The following PTCHD4 variants were observed in gnomAD, a reference collection of about 807,000 sequenced individuals.
PTCHD4 encodes patched domain containing 4.
In PTCHD4, 33 loss-of-function variants were observed where a neutral mutation model predicts 58.1. The observed-to-expected ratio is 0.57, with a 90% CI of 0.43 to 0.76. The LOEUF (loss-of-function observed/expected upper bound fraction) is 0.76, where lower values mean the gene tolerates loss of function less well. PTCHD4 is among the 30% of genes least tolerant of loss of function. The pLI is 0.00. For missense variants in PTCHD4, 1,058 were observed against 1,027.1 expected (o/e 1.03, Z -0.41); for synonymous variants, 478 against 409.6 (o/e 1.17, Z -2.02).
At chr6:47,953,185 C>T (rs1213624190) in intron 4 of PTCHD4, among the ~76,000 whole-genome samples, 1 of 151,956 alleles carries the variant, frequency 6.6e-6, no homozygotes, top group African/African-American at 2.4e-5. Context: ...GAGTTTATGA[C>T]AATTTTGACA....
At position 48,001,885 on chromosome 6, in the gene PTCHD4, T is replaced by G. The variant is rs148874837; in HGVS notation, c.898+6749A>C. Among the ~76,000 whole-genome samples the G allele has an allele frequency of 1.7e-3, 259 of 152,296 alleles. 3 individuals carry two copies. The highest frequency in any genetic ancestry group is 5.8e-3 in the African/African-American group (243 of 41,554). ...TCTGCCAAAGGGCTAATATCCAGAA[T>G]CTACAATGAACTCAAACAAATTTAC... On this transcript the variant is annotated intron_variant, in intron 4 of 4. Coordinates refer to ENST00000339488, the MANE Select transcript of PTCHD4 (RefSeq NM_001384253.1).
intron 4 of PTCHD4, among the ~76,000 whole-genome samples, chr6:47,881,212 G>T (rs1561937469): frequency 6.6e-6 from 1 of 152,188 alleles, no homozygotes. Context: ...AATTTACTTA[G>T]TAGTGCTTTA....
intron 1 of PTCHD4, among the ~76,000 whole-genome samples, chr6:48,098,525 G>A (rs893551223): frequency 1.3e-5 from 2 of 151,970 alleles, no homozygotes; most frequent in Non-Finnish European, 2.9e-5. Flanking sequence ...TTTTAGTAGA[G>A]GCAGGGTTTC....
intron 4 of PTCHD4, among the ~76,000 whole-genome samples, chr6:47,891,392 T>C (rs1764377693): frequency 6.6e-6 from 1 of 151,792 alleles, no homozygotes. Context: ...ACAAGGCCAT[T>C]CTGTGACCGG....
intron 3 of PTCHD4, among the ~76,000 whole-genome samples, chr6:48,029,893 C>T (rs1443826335): frequency 6.6e-6 from 1 of 151,996 alleles, no homozygotes; most frequent in Non-Finnish European, 1.5e-5. Context: ...CCTTGAAAAG[C>T]CAAGGTAGTT....
At chr6:48,021,998 T>C (rs1186700388) in intron 3 of PTCHD4, among the ~76,000 whole-genome samples, 1 of 152,140 alleles carries the variant, frequency 6.6e-6, no homozygotes, top group African/African-American at 2.4e-5. Context: ...GAATGTGAAA[T>C]CAATAACGTA....
At chr6:47,973,263 A>G (rs937852337) in intron 4 of PTCHD4, among the ~76,000 whole-genome samples, 2 of 152,242 alleles carry the variant, frequency 1.3e-5, no homozygotes, top group African/African-American at 4.8e-5. Flanking sequence ...TTTAAGAAGA[A>G]TTATTGTGAA....
In PTCHD4 at chr6:47,857,922, C is replaced by T. The variant is rs1202358461; in HGVS notation, c.*20381G>A. 6.6e-6 allele frequency among the ~76,000 whole-genome samples: 1 copy of T among 151,914 alleles called. No individual in the cohort carries two copies. Among genetic ancestry groups the T allele is most frequent in the Non-Finnish European group, 1.5e-5 (1 of 67,966 alleles). ...CTATAAATAGTTCTATATCAAGGTA[C>T]ACATATGTACCTTGAAGACTAACAA... On this transcript the variant is annotated 3_prime_UTR_variant, in exon 5 of 5. Transcript: ENST00000339488.
chr6:48,079,109 T>A (rs577125267), intron 1 of PTCHD4, among the ~76,000 whole-genome samples: 37 of 136,086 alleles, frequency 2.7e-4, no homozygotes, highest in African/African-American at 1.0e-3. Context: ...CAGAGCGAAA[T>A]TCCATCACAA....
In PTCHD4 at chr6:47,866,699, T is replaced by C. The variant is rs147722530; in HGVS notation, c.*11604A>G. Among the ~76,000 whole-genome samples the C allele has an allele frequency of 0.018, 2,689 of 151,902 alleles. 257 individuals carry two copies. The highest frequency in any genetic ancestry group is 0.16 in the Admixed American group (2,442 of 15,194). Reference sequence around the variant, plus strand: ...AAACATCTTGTAATATGATTGCTGGTTTTGGGGAGCACCACTATTATAATT... The same window carrying C: ...AAACATCTTGTAATATGATTGCTGGCTTTGGGGAGCACCACTATTATAATT... On this transcript the variant is annotated 3_prime_UTR_variant, in exon 5 of 5. Transcript: ENST00000339488.
intron 4 of PTCHD4, among the ~76,000 whole-genome samples, chr6:47,925,203 G>T (rs1006288564): frequency 1.3e-5 from 2 of 150,978 alleles, no homozygotes; most frequent in Admixed American, 1.3e-4. Flanking sequence ...GTGTGTGTGT[G>T]TATGTATATG....
At chr6:48,018,858 G>A (rs896592388) in intron 3 of PTCHD4, among the ~76,000 whole-genome samples, 8 of 152,184 alleles carry the variant, frequency 5.3e-5, no homozygotes, top group African/African-American at 1.7e-4. Context: ...TAACGCAGGA[G>A]CATTTGAGGA....
At chr6:48,053,780 T>G (rs1303085894) in intron 3 of PTCHD4, among the ~76,000 whole-genome samples, 1 of 152,136 alleles carries the variant, frequency 6.6e-6, no homozygotes, top group Admixed American at 6.6e-5. Context: ...ATTTATAGAT[T>G]AGGGAAGTAC....
rs528909130 is a variant in PTCHD4 at position 48,031,633 on chromosome 6, C to T, written c.418-22519G>A. On this transcript the variant is annotated intron_variant, in intron 3 of 4. Coordinates refer to ENST00000339488, the MANE Select transcript of PTCHD4 (RefSeq NM_001384253.1). ...GGAATCCATGGGAATAGGGAAAACA[C>T]ATTCGGGAAAATTCAGGGAGGCAAA... 3.3e-5 allele frequency among the ~76,000 whole-genome samples: 5 copies of T among 152,156 alleles called. No individual in the cohort carries two copies. In the East Asian group the frequency reaches 7.8e-4, roughly 24 times the overall value.
rs187973640 is a variant in PTCHD4 at position 47,994,996 on chromosome 6, C to T, written c.898+13638G>A. 4.7e-3 allele frequency among the ~76,000 whole-genome samples: 717 copies of T among 152,150 alleles called. 6 individuals are homozygous for T. Among genetic ancestry groups the T allele is most frequent in the African/African-American group, 0.016 (679 of 41,504 alleles). ...ACAGGAGGGAACAGTAGGGAAGAAC[C>T]TCAAACAGTTAGAAATCATAAAAAG... is the stretch of plus-strand genomic sequence containing the variant. On this transcript the variant is annotated intron_variant, in intron 4 of 4. Coordinates refer to ENST00000339488, the MANE Select transcript of PTCHD4 (RefSeq NM_001384253.1).
chr6:48,011,149 G>T (rs1288880372), intron 3 of PTCHD4, among the ~76,000 whole-genome samples: 5 of 75,192 alleles, frequency 6.6e-5, no homozygotes, highest in South Asian at 3.7e-4. Context: ...TTGCAGAATC[G>T]CCACACTGTC....
Position 47,872,408 on chromosome 6 carries a change from G to A in PTCHD4, c.*5895C>T, listed in dbSNP as rs188775454. ...TGTGGCAACAGAGGGAAAGAAAACC[G>A]TAATGCTCCTCTATTAGACCATGCC... is the stretch of plus-strand genomic sequence containing the variant. On this transcript the variant is annotated 3_prime_UTR_variant, in exon 5 of 5. Transcript: ENST00000339488. Among the ~76,000 whole-genome samples, 10 of 151,732 alleles carry A rather than the reference G, an allele frequency of 6.6e-5. No individual in the cohort carries two copies. The highest frequency in any genetic ancestry group is 1.9e-4 in the African/African-American group (8 of 41,490).
At chr6:47,999,834 C>T (rs1204367478) in intron 4 of PTCHD4, among the ~76,000 whole-genome samples, 1 of 152,112 alleles carries the variant, frequency 6.6e-6, no homozygotes, top group Non-Finnish European at 1.5e-5. Context: ...CCAGAAAGAA[C>T]CATAATATTT....
At chr6:48,024,644 G>A (rs749852677) in intron 3 of PTCHD4, among the ~76,000 whole-genome samples, 18 of 152,090 alleles carry the variant, frequency 1.2e-4, no homozygotes, top group Non-Finnish European at 1.8e-4. Flanking sequence ...GTCAGGCCTC[G>A]TGTCAGCACT....
Sources: allele counts gnomAD v4.1 joint callset (sites outside exome capture counted in the v4.1 genomes callset), GRCh38; gene constraint gnomAD v4.1.1; transcripts MANE v1.5; gene names NCBI Gene and HGNC (gene_info 2026-07-23, HGNC 2026-07-21).